Variants in CCNB3 observed in about 807,000 individuals in gnomAD.
CCNB3 encodes cyclin B3, also known as G2/mitotic-specific cyclin-B3.
In CCNB3, 12 loss-of-function variants were observed where a neutral mutation model predicts 68.0. The ratio of observed to expected loss-of-function variants is 0.18; its 90% confidence interval spans 0.11 to 0.29. The LOEUF is 0.29. CCNB3 is among the 10% of genes least tolerant of loss of function. The pLI is 1.00. For missense variants in CCNB3, 904 were observed against 993.1 expected (o/e 0.91, Z 1.21); for synonymous variants, 354 against 388.9 (o/e 0.91, Z 1.06).
At chrX:50,318,643 T>C (rs958288483) in intron 8 of CCNB3, among the ~76,000 whole-genome samples, 2 of 112,241 alleles carry the variant, frequency 1.8e-5, no homozygotes, top group African/African-American at 3.2e-5. Context: ...GGAATTGAAA[T>C]ATATTTTGTG....
intron 2 of CCNB3, 92 bp from the exon 3 acceptor site, chrX:50,285,035 A>G (rs1157767831): frequency 2.0e-6 from 1 of 492,895 alleles, no homozygotes; most frequent in African/African-American, 2.4e-5. Context: ...TCTCCTAGGG[A>G]TGCTATAGAT....
chrX:50,212,860 G>A (rs2146977449), intron 1 of CCNB3, among the ~76,000 whole-genome samples: 1 of 111,748 alleles, frequency 8.9e-6, no homozygotes, highest in South Asian at 3.8e-4. Flanking sequence ...TTGTCTGTGA[G>A]GGCAGCTCAT....
At chrX:50,308,430 T>A (rs1292623609) in intron 5 of CCNB3, 75 bp from the exon 6 acceptor site, 2 of 684,909 alleles carry the variant, frequency 2.9e-6, no homozygotes, top group Non-Finnish European at 4.3e-6. Flanking sequence ...TTAGTAAATA[T>A]AGCAACAAAA....
intron 5 of CCNB3, among the ~76,000 whole-genome samples, chrX:50,301,774 G>A (rs1936643276): frequency 8.9e-6 from 1 of 112,711 alleles, no homozygotes; most frequent in African/African-American, 3.2e-5. Context: ...AGCTGTGATG[G>A]GCTCCACCCA....
At chrX:50,335,335 TC>T (rs1422814990) in intron 8 of CCNB3, among the ~76,000 whole-genome samples, 1 of 111,773 alleles carries the variant, frequency 8.9e-6, no homozygotes, top group African/African-American at 3.3e-5. Flanking sequence ...AAACCAGCTG[TC>T]CTCAGCCTGC....
At position 50,227,698 on chromosome X, in the gene CCNB3, G is replaced by T. The variant is rs1189898548; in HGVS notation, c.-113+22748G>T. ...GAGAATATATATATAAATATATATA[G>T]AGAGAATATATATATAAATATATAG... is the stretch of plus-strand genomic sequence containing the variant. On this transcript the variant is annotated intron_variant, in intron 1 of 12. Coordinates refer to ENST00000376042, the MANE Select transcript of CCNB3 (RefSeq NM_033031.3). 3.8e-4 allele frequency among the ~76,000 whole-genome samples: 35 copies of T among 92,881 alleles called. No homozygotes were observed. The East Asian group carries it at 5.1e-3, about 13-fold the overall frequency. 80.7% of individuals were successfully genotyped at this position (92,881 alleles called of 115,157 possible).
intron 1 of CCNB3, among the ~76,000 whole-genome samples, chrX:50,228,722 T>A (rs1290905076): frequency 8.8e-4 from 57 of 64,554 alleles, no homozygotes; most frequent in African/African-American, 3.4e-3. Flanking sequence ...ATATAAAGAA[T>A]ATATATAGAA....
intron 1 of CCNB3, among the ~76,000 whole-genome samples, chrX:50,218,446 G>A (rs1935615639): frequency 9.0e-6 from 1 of 110,818 alleles, no homozygotes; most frequent in Non-Finnish European, 1.9e-5. Context: ...CCCACCCCCT[G>A]ACTGGCCCGG....
intron 5 of CCNB3, among the ~76,000 whole-genome samples, chrX:50,302,211 G>A (rs782176179): frequency 8.9e-5 from 10 of 112,020 alleles, no homozygotes; most frequent in African/African-American, 1.3e-4. Context: ...GAAATCACCC[G>A]TCTTCTGCGT....
At chrX:50,291,764 T>C (rs1164696916) in intron 4 of CCNB3, among the ~76,000 whole-genome samples, 1 of 111,464 alleles carries the variant, frequency 9.0e-6, no homozygotes, top group East Asian at 2.8e-4. Flanking sequence ...TGATTGTACA[T>C]ATAAGGAGTT....
upstream of CCNB3, among the ~76,000 whole-genome samples, chrX:50,203,274 C>T (rs938354631): frequency 4.5e-5 from 5 of 111,827 alleles, no homozygotes; most frequent in African/African-American, 9.7e-5. Flanking sequence ...ATGGGACCTG[C>T]GTTTATAATA....
At chrX:50,294,841 C>A in intron 4 of CCNB3, 22 bp from the exon 5 acceptor site, 2 of 1,185,246 alleles carry the variant, frequency 1.7e-6, no homozygotes, top group Non-Finnish European at 2.3e-6. Flanking sequence ...CCCTGCCCCC[C>A]AACCCACCTT....
intron 8 of CCNB3, among the ~76,000 whole-genome samples, chrX:50,319,433 T>A (rs1313917228): frequency 1.8e-5 from 2 of 111,951 alleles, no homozygotes; most frequent in African/African-American, 6.5e-5. Flanking sequence ...ACATTGCCAG[T>A]ATGAAATATG....
intron 1 of CCNB3, among the ~76,000 whole-genome samples, chrX:50,215,934 T>G (rs1320063334): frequency 1.9e-5 from 2 of 103,227 alleles, no homozygotes; most frequent in Non-Finnish European, 3.9e-5. Context: ...GTCATTGGGG[T>G]GTGCTTCTTT....
rs1330028280 is a variant in CCNB3, at chrX:50,304,835, G to A, written c.336-3670G>A. The stretch of plus-strand genomic sequence containing the variant: ...AAAAAACAAACAACCCCATCAACAA[G>A]TAGGCGAAGGATATGAACAGACACT... On this transcript the variant is annotated intron_variant, in intron 5 of 12. Transcript: ENST00000376042. Among the ~76,000 whole-genome samples the A allele has an allele frequency of 2.0e-4, 22 of 111,880 alleles. No homozygotes were observed. In the Admixed American group the frequency reaches 2.1e-3, roughly 11 times the overall value.
chrX:50,318,289 G>A (rs1439095294), intron 8 of CCNB3, among the ~76,000 whole-genome samples: 3 of 109,827 alleles, frequency 2.7e-5, no homozygotes, highest in African/African-American at 1.0e-4. Flanking sequence ...TGAGGTGGGT[G>A]GATCATGAGG....
In CCNB3 at chrX:50,310,212, G is replaced by A; in HGVS notation, c.2043G>A (p.Lys681=). The stretch of plus-strand genomic sequence containing the variant: ...AGGAACTATTTTCATTGCATGTTAA[G>A]CATACCAACAAAAGTGGGTCCCTCT... ...FSQELFSLHV[K]HTNKSGSLFQ... Residue 681 remains lysine (K), a synonymous_variant, in exon 6 of 13, where the codon AAG becomes AAA. Coordinates refer to ENST00000376042, the MANE Select transcript of CCNB3 (RefSeq NM_033031.3). 2 of 1,209,245 alleles carry A rather than the reference G, an allele frequency of 1.7e-6. No homozygotes were observed. The highest frequency in any genetic ancestry group is 2.2e-6 in the Non-Finnish European group (2 of 894,063).
chrX:50,322,817 A>C (rs1922097432), intron 8 of CCNB3, among the ~76,000 whole-genome samples: 2 of 111,788 alleles, frequency 1.8e-5, no homozygotes, highest in East Asian at 2.8e-4. Flanking sequence ...CACATGAAAA[A>C]ATGCTCATCA....
Position 50,226,056 on chromosome X carries a change from T to C in CCNB3, c.-113+21106T>C, listed in dbSNP as rs1370017570. 5.6e-5 allele frequency among the ~76,000 whole-genome samples: 5 copies of C among 89,120 alleles called. 1 individual carries two copies. In the Admixed American group the frequency reaches 5.9e-4, roughly 11 times the overall value. 77.4% of individuals were successfully genotyped at this position (89,120 alleles called of 115,157 possible). A position where few individuals can be genotyped will look rare whatever the true frequency, so the allele number is the denominator to read the frequency against. ...TATAGAATATATATACAAATATATA[T>C]AGAATATATACGAATATATATAGAA... On this transcript the variant is annotated intron_variant, in intron 1 of 12. Coordinates refer to ENST00000376042, the MANE Select transcript of CCNB3 (RefSeq NM_033031.3).
Sources: allele counts gnomAD v4.1 joint callset (sites outside exome capture counted in the v4.1 genomes callset), GRCh38; gene constraint gnomAD v4.1.1; transcripts MANE v1.5; gene names NCBI Gene and HGNC (gene_info 2026-07-23, HGNC 2026-07-21).